The following CACNA1G variants were observed in gnomAD, a reference collection of about 807,000 sequenced individuals.
CACNA1G encodes the protein calcium voltage-gated channel subunit alpha1 G, also known as voltage-dependent T-type calcium channel subunit alpha-1G.
A neutral mutation model predicts 219.4 loss-of-function variants in CACNA1G; 67 were observed. The observed-to-expected ratio is 0.31, with a 90% CI of 0.25 to 0.37. CACNA1G has a LOEUF of 0.37. Among genes scored for constraint, CACNA1G ranks in the 10% least tolerant of loss-of-function variants. The probability of loss-of-function intolerance (pLI) is 1.00; values close to 1 mark genes in which losing one functional copy is unlikely to be tolerated. For synonymous variants in CACNA1G, 1,296 were observed against 1,345.3 expected (o/e 0.96, Z 0.80); for missense variants, 2,380 against 3,231.4 (o/e 0.74, Z 6.39).
chr17:50,624,330 C>T (rs1567793357), intron 36 of CACNA1G, 30 bp from the exon 37 acceptor site: 4 of 1,201,942 alleles, frequency 3.3e-6, no homozygotes, highest in South Asian at 1.3e-5. Flanking sequence ...TCTCTCCCCC[C>T]ACCCCTCCCC....
chr17:50,565,383 G>GAGA (rs72310815), intron 1 of CACNA1G, among the ~76,000 whole-genome samples: 2 of 75,668 alleles, frequency 2.6e-5, no homozygotes, highest in Admixed American at 2.7e-4. Context: ...CTTGTGGGGT[G>GAGA]GGGCGGGGGG....
intron 1 of CACNA1G, among the ~76,000 whole-genome samples, chr17:50,567,815 C>T (rs2038326082): frequency 6.6e-6 from 1 of 152,202 alleles, no homozygotes; most frequent in African/African-American, 2.4e-5. Flanking sequence ...GTACATTCTC[C>T]TGCTGATGGG....
At chr17:50,602,524 C>T (rs933022598) in intron 19 of CACNA1G, among the ~76,000 whole-genome samples, 3 of 152,226 alleles carry the variant, frequency 2.0e-5, no homozygotes, top group Admixed American at 6.5e-5. Flanking sequence ...GGACGTGGGA[C>T]GCAGATCACA....
At chr17:50,590,279 C>A (rs2044003755) in intron 9 of CACNA1G, among the ~76,000 whole-genome samples, 192 bp from the exon 10 acceptor site, 1 of 152,150 alleles carries the variant, frequency 6.6e-6, no homozygotes, top group Non-Finnish European at 1.5e-5. Context: ...TTTCCTGGGG[C>A]CCCTGCCCCT....
rs1219119411 is a variant in CACNA1G at position 50,600,991 on chromosome 17, G to T, written c.3792-60G>T. 3.8e-6 allele frequency: 6 copies of T among 1,598,150 alleles called. No homozygotes were observed. In the Admixed American group the frequency reaches 8.4e-5, roughly 22 times the overall value. On this transcript the variant is annotated intron_variant, in intron 18 of 37. Transcript: ENST00000359106. This position sits in a 1 kb window ranked among gnomAD's most constrained non-coding sequence, Gnocchi z 4.1. ...TGGAGGGGCAGGGGCTGCGGGCGGT[G>T]CCTCTCGTTGCCACCTGCCCTGCCT...
At chr17:50,619,423 C>T (rs181603830) in intron 33 of CACNA1G, among the ~76,000 whole-genome samples, 4 of 152,090 alleles carry the variant, frequency 2.6e-5, no homozygotes, top group African/African-American at 9.7e-5. Context: ...TCTCTCTCTC[C>T]CCCCGCCGTG....
chr17:50,621,929 C>A lies in CACNA1G; in HGVS notation c.6060+135C>A. ...GCCAGGCTCCACCCAGAGGCATCAA[C>A]TGTCAGGACCTCGGTGGCCCACGCT... On this transcript the variant is annotated intron_variant, in intron 35 of 37. Transcript: ENST00000359106. This position sits in a 1 kb window ranked among gnomAD's most constrained non-coding sequence, Gnocchi z 4.6. 1 of 899,708 alleles carries A rather than the reference C, an allele frequency of 1.1e-6. No individual in the cohort carries two copies. Among genetic ancestry groups the A allele is most frequent in the Non-Finnish European group, 1.7e-6 (1 of 592,898 alleles). 55.7% of individuals were successfully genotyped at this position (899,708 alleles called of 1,614,324 possible).
intron 26 of CACNA1G, among the ~76,000 whole-genome samples, chr17:50,611,134 A>G (rs1328871615): frequency 2.0e-5 from 3 of 151,990 alleles, no homozygotes; most frequent in Admixed American, 2.0e-4. Context: ...TACGCCTGTA[A>G]TCCCAGCTAC....
intron 9 of CACNA1G, among the ~76,000 whole-genome samples, chr17:50,579,342 G>A (rs1049771477): frequency 6.6e-6 from 1 of 152,110 alleles, no homozygotes; most frequent in Non-Finnish European, 1.5e-5. Context: ...TGGGCTGAGG[G>A]GGAGGAGGCT....
intron 21 of CACNA1G, 96 bp from the exon 22 acceptor site, chr17:50,604,059 C>A: frequency 7.6e-7 from 1 of 1,311,656 alleles, no homozygotes; most frequent in Non-Finnish European, 1.0e-6. Flanking sequence ...CAGGAAGGGA[C>A]CAGTGGTCAA....
Position 50,576,038 on chromosome 17 carries a change from C to A in CACNA1G, c.1636C>A (p.Pro546Thr). 1 of 1,572,360 alleles carries A rather than the reference C, an allele frequency of 6.4e-7. No homozygotes were observed. The highest frequency in any genetic ancestry group is 2.4e-5 in the East Asian group (1 of 42,068). Residue 546 changes from proline (P) to threonine (T), a missense_variant, in exon 8 of 38, where the codon CCC (proline) becomes ACC (threonine). By Grantham distance (38) the Pro-to-Thr change is conservative. Transcript: ENST00000359106. ...PPSTPALSGA[P>T]PGGAESVHSF... The stretch of plus-strand genomic sequence containing the variant: ...CTCGACGCCTGCCCTCTCCGGGGCC[C>A]CCCCTGGTGGCGCAGAGTCTGTGCA...
At position 50,572,749 on chromosome 17, in the gene CACNA1G, C is replaced by A; in HGVS notation, c.942C>A (p.Val314=). ...ACAGCTCCAGCAACACCACCTGTGT[C>A]AACTGGAACCAGTACTACACCAACT... ...AYNSSSNTTC[V]NWNQYYTNCS... The change falls in exon 6 of 38, where the codon GTC becomes GTA. Residue 314 remains valine (V), a synonymous_variant. Transcript: ENST00000359106. 1.2e-6 allele frequency: 2 copies of A among 1,614,024 alleles called. No individual in the cohort carries two copies. The highest frequency in any genetic ancestry group is 1.7e-6 in the Non-Finnish European group (2 of 1,179,896).
In CACNA1G at chr17:50,617,622, G is replaced by A; in HGVS notation, c.5155+51G>A. 1 of 1,596,892 alleles carries A rather than the reference G, an allele frequency of 6.3e-7. No homozygotes were observed. Among genetic ancestry groups the A allele is most frequent in the Non-Finnish European group, 8.6e-7 (1 of 1,168,724 alleles). ...CCTCCTAGGGTGACCAGCCCAGGGA[G>A]AGAGAGCAAGGGTCGGCTTTGTGGC... is the stretch of plus-strand genomic sequence containing the variant. On this transcript the variant is annotated intron_variant, in intron 29 of 37. Transcript: ENST00000359106. This position sits in a 1 kb window ranked among gnomAD's most constrained non-coding sequence, Gnocchi z 5.8.
At chr17:50,604,115 C>A in intron 21 of CACNA1G, 40 bp from the exon 22 acceptor site, 2 of 1,597,872 alleles carry the variant, frequency 1.3e-6, no homozygotes, top group Non-Finnish European at 8.5e-7. Flanking sequence ...AGGGTCTGGG[C>A]TGGGGGAAGC....
chr17:50,569,015 T>TGTGGTG lies in CACNA1G; in HGVS notation c.354+34_354+35insGTGGTG, dbSNP rs58450142. ...GTGTGTGTGTGTGTGTGTGTGTGTG[T>TGTGGTG]TGTGTGTGTTGGGGGTTGGCCCCTC... is the stretch of plus-strand genomic sequence containing the variant. On this transcript the variant is annotated intron_variant, in intron 2 of 37. Transcript: ENST00000359106. The TGTGGTG allele has an allele frequency of 1.1e-3, 1,326 of 1,228,010 alleles. 17 individuals carry two copies. In the African/African-American group the frequency reaches 0.015, roughly 13 times the overall value. The allele number at this position is 1,228,010 out of a possible 1,614,324, so 76.1% of individuals were successfully genotyped here.
rs756194183 is a variant in CACNA1G at position 50,618,841 on chromosome 17, G to A, written c.5614G>A (p.Glu1872Lys). Residue 1872 changes from glutamate (E) to lysine (K), a missense_variant, in exon 33 of 38, where the codon GAG becomes AAG. Physicochemically the swap from Glu to Lys is moderately conservative, Grantham distance 56 (BLOSUM62 1). Around this residue, in one of 17 missense-constraint regions of CACNA1G, gnomAD observed 672 missense variants for 670.5 expected, o/e 1.00. Coordinates refer to ENST00000359106, the MANE Select transcript of CACNA1G (RefSeq NM_018896.5). The surrounding 1 kb of genome is among the most constrained non-coding windows in gnomAD (Gnocchi z 5.3). ...GGAGGCCGAGCTAGAGGCTGAGCTG[G>A]AGCTGGAGATGAAGACCCTCAGCCC... ...KEEAELEAEL[E>K]LEMKTLSPQP... 10 of 1,613,756 alleles carry A rather than the reference G, an allele frequency of 6.2e-6. No individual in the cohort carries two copies. The highest frequency in any genetic ancestry group is 7.6e-6 in the Non-Finnish European group (9 of 1,179,880).
chr17:50,569,398 C>T (rs2038834858), intron 3 of CACNA1G, 100 bp downstream of exon 3: 4 of 1,274,028 alleles, frequency 3.1e-6, no homozygotes, highest in Non-Finnish European at 3.4e-6. Context: ...AGCCCAGTTA[C>T]AGCACCACTT....
At chr17:50,574,489 C>T (rs1056572777) in intron 7 of CACNA1G, among the ~76,000 whole-genome samples, 1 of 152,180 alleles carries the variant, frequency 6.6e-6, no homozygotes, top group Non-Finnish European at 1.5e-5. Flanking sequence ...TGACTGGAGG[C>T]CTGTTCCCAT....
chr17:50,623,988 C>T lies in CACNA1G; in HGVS notation c.6142C>T (p.Pro2048Ser). The change falls in exon 36 of 38, where the codon CCC (proline) becomes TCC (serine). Residue 2048 changes from proline (P) to serine (S), a missense_variant. Transcript: ENST00000359106. ...TGGGGTCAGCCGAACGCACTCTCTG[C>T]CCAATGACAGCTACATGTGTCGGCA... Reference protein sequence around the residue: ...KSGVSRTHSLPNDSYMCRHGS... With the variant: ...KSGVSRTHSLSNDSYMCRHGS... 1 of 1,613,370 alleles carries T rather than the reference C, an allele frequency of 6.2e-7. No homozygotes were observed. Among genetic ancestry groups the T allele is most frequent in the Non-Finnish European group, 8.5e-7 (1 of 1,179,854 alleles).
Sources: allele counts gnomAD v4.1 joint callset (sites outside exome capture counted in the v4.1 genomes callset), GRCh38; gene constraint gnomAD v4.1.1; regional missense constraint gnomAD v4.1.1; non-coding constraint Gnocchi (gnomAD v3.1); transcripts MANE v1.5; gene names NCBI Gene and HGNC (gene_info 2026-07-23, HGNC 2026-07-21).